MTA2: variants seen among roughly 807,000 people sequenced by gnomAD.
MTA2 encodes the protein metastasis-associated protein MTA2.
A neutral mutation model predicts 87.1 loss-of-function variants in MTA2; 22 were observed. The observed-to-expected ratio is 0.25, with a 90% CI of 0.18 to 0.36. The LOEUF (loss-of-function observed/expected upper bound fraction) is 0.36, where lower values mean the gene tolerates loss of function less well. Ranked by LOEUF, MTA2 falls within the 10% of genes least tolerant of loss-of-function variation. MTA2 has a pLI of 1.00. For synonymous variants in MTA2, 314 were observed against 310.1 expected, an observed-to-expected ratio of 1.01 and a Z score of -0.13; for missense variants, 542 against 853.2, an observed-to-expected ratio of 0.64 and a Z score of 4.54.
At chr11:62,600,528 G>A (rs1251936652) in intron 2 of MTA2, 94 bp downstream of exon 2, 3 of 1,157,692 alleles carry the variant, frequency 2.6e-6, no homozygotes, top group Admixed American at 4.7e-5. Flanking sequence ...AATATGAATG[G>A]GTACTTAGTA....
Position 62,594,996 on chromosome 11 carries a change from T to C in MTA2, c.1558A>G (p.Ile520Val), listed in dbSNP as rs1411246090. Reference protein sequence around the residue: ...HPLVRLPLATIVKDLVAQAPL... With the variant: ...HPLVRLPLATVVKDLVAQAPL... ...CATCCCATACCCAGATCTTTGACGA[T>C]AGTTGCCAGGGGCAGCCGCACCAGA... Residue 520 changes from isoleucine to valine, a missense_variant, in exon 15 of 18, where the codon ATC (isoleucine) becomes GTC (valine). Physicochemically the swap from Ile to Val is conservative, Grantham distance 29. This residue lies in a region of MTA2 where 269 missense variants were observed against 346.4 expected (regional missense o/e 0.78). Coordinates refer to ENST00000278823, the MANE Select transcript of MTA2 (RefSeq NM_004739.4). 5 of 1,614,142 alleles carry C rather than the reference T, an allele frequency of 3.1e-6. No homozygotes were observed. The highest frequency in any genetic ancestry group is 4.2e-6 in the Non-Finnish European group (5 of 1,180,012).
chr11:62,601,341 G>A (rs1325732595), intron 1 of MTA2, 82 bp downstream of exon 1: 6 of 1,534,518 alleles, frequency 3.9e-6, no homozygotes, highest in Non-Finnish European at 5.3e-6. Flanking sequence ...GCTGCGCCTC[G>A]CGCCACCCGG....
chr11:62,594,938 G>A, intron 15 of MTA2, 43 bp downstream of exon 15: 1 of 1,557,504 alleles, frequency 6.4e-7, no homozygotes. Flanking sequence ...ACAGGGAAAG[G>A]ACTGGGAGCC....
intron 11 of MTA2, 41 bp downstream of exon 11, chr11:62,596,238 G>A (rs775560000): frequency 3.7e-6 from 6 of 1,609,712 alleles, no homozygotes; most frequent in Middle Eastern, 1.7e-4. Context: ...TTAGGGGAAG[G>A]GAAGGAAAAC....
rs751123747 is a variant in MTA2 at position 62,593,945 on chromosome 11, C to T, written c.1937G>A (p.Arg646Gln). 4 of 1,614,024 alleles carry T rather than the reference C, an allele frequency of 2.5e-6. No homozygotes were observed. The highest frequency in any genetic ancestry group is 3.4e-6 in the Non-Finnish European group (4 of 1,180,034). Residue 646 changes from arginine to glutamine, a missense_variant, in exon 18 of 18, where the codon CGG becomes CAG. Transcript: ENST00000278823. ...LKVKPTLIAV[R>Q]PPVPLPAPSH... ...GGGTGCAGGTAGAGGGACAGGGGGC[C>T]GCACTGCAATCAGCGTTGGCTTCAC...
intron 17 of MTA2, 56 bp from the exon 18 acceptor site, chr11:62,594,096 C>G: frequency 7.1e-6 from 11 of 1,552,584 alleles, no homozygotes; most frequent in Non-Finnish European, 9.6e-6. Flanking sequence ...TTAAGACCTC[C>G]AGGTGAAGCC....
In MTA2 at chr11:62,600,664, G is replaced by A. The variant is rs143977738; in HGVS notation, c.54C>T (p.Ser18=). The change falls in exon 2 of 18, where the codon TCC becomes TCT. Residue 18 remains serine (S), a synonymous_variant. Coordinates refer to ENST00000278823, the MANE Select transcript of MTA2 (RefSeq NM_004739.4). ...VGDYVYFENS[S]SNPYLVRRIE... is the part of the protein sequence containing the mutation. ...TCCGTCTAACCAGGTAAGGATTGCT[G>A]GAAGAGTTCTCAAAATAGACGTAAT... 9.9e-6 allele frequency: 16 copies of A among 1,613,812 alleles called. No homozygotes were observed. Among genetic ancestry groups the A allele is most frequent in the African/African-American group, 9.3e-5 (7 of 74,882 alleles).
chr11:62,596,232 G>A (rs769600427), intron 11 of MTA2, 47 bp downstream of exon 11: 7 of 1,607,052 alleles, frequency 4.4e-6, no homozygotes, highest in African/African-American at 1.3e-5. Context: ...CACAAGTTAG[G>A]GGAAGGGAAG....
At chr11:62,597,733 A>G in intron 6 of MTA2, 21 bp from the exon 7 acceptor site, 1 of 1,603,052 alleles carries the variant, frequency 6.2e-7, no homozygotes, top group Non-Finnish European at 8.5e-7. Flanking sequence ...GAACAATGGC[A>G]TCAACAGGGA....
chr11:62,599,954 T>C (rs187653091), intron 3 of MTA2, among the ~76,000 whole-genome samples: 2 of 152,324 alleles, frequency 1.3e-5, no homozygotes, highest in Admixed American at 1.3e-4. Context: ...TACTCTCATA[T>C]ACAAACCATA....
At position 62,594,054 on chromosome 11, in the gene MTA2, G is replaced by A. The variant is rs1942062965; in HGVS notation, c.1842-14C>T. 6.3e-7 allele frequency: 1 copy of A among 1,579,654 alleles called. No homozygotes were observed. Among genetic ancestry groups the A allele is most frequent in the African/African-American group, 1.4e-5 (1 of 73,764 alleles). On this transcript the variant is annotated splice_polypyrimidine_tract_variant and intron_variant, in intron 17 of 17. Coordinates refer to ENST00000278823, the MANE Select transcript of MTA2 (RefSeq NM_004739.4). ...TTCCGTAGGGCCCTGGCCAGAAAGA[G>A]CAAGTGGGAAACAGAAAAGGCTTAG... is the stretch of plus-strand genomic sequence containing the variant.
intron 1 of MTA2, among the ~76,000 whole-genome samples, 173 bp from the exon 2 acceptor site, chr11:62,600,862 C>T (rs570754972): frequency 6.6e-6 from 1 of 152,260 alleles, no homozygotes; most frequent in African/African-American, 2.4e-5. Flanking sequence ...GGATGTCCCC[C>T]ATCCCCACCG....
intron 3 of MTA2, chr11:62,599,206 G>T (rs2134326549): frequency 6.5e-6 from 1 of 154,512 alleles, no homozygotes; most frequent in East Asian, 1.9e-4. Flanking sequence ...AAACCTAGCG[G>T]AAGGGGTTAA....
Position 62,595,281 on chromosome 11 carries a change from T to A in MTA2, c.1466A>T (p.Asn489Ile), listed in dbSNP as rs369556655. ...ARRPYAPINA[N>I]AIKAECSIRL... The stretch of plus-strand genomic sequence containing the variant: ...GCCCTTACACTCTGCTTTGATGGCA[T>A]TGGCATTGATAGGAGCATAAGGCCG... Residue 489 changes from asparagine (N) to isoleucine (I), a missense_variant, in exon 14 of 18, where the codon AAT (asparagine) becomes ATT (isoleucine). Transcript: ENST00000278823. This position sits in a 1 kb window ranked among gnomAD's most constrained non-coding sequence, Gnocchi z 4.9. 6.2e-7 allele frequency: 1 copy of A among 1,614,080 alleles called. No homozygotes were observed. Among genetic ancestry groups the A allele is most frequent in the Admixed American group, 1.7e-5 (1 of 60,008 alleles).
At position 62,593,709 on chromosome 11, in the gene MTA2, C is replaced by T. The variant is rs560026142; in HGVS notation, c.*166G>A. 89 of 765,502 alleles carry T rather than the reference C, an allele frequency of 1.2e-4. No homozygotes were observed. The African/African-American group carries it at 1.2e-3, about 11-fold the overall frequency. The allele number at this position is 765,502 out of a possible 1,614,324, so 47.4% of individuals were successfully genotyped here. On this transcript the variant is annotated 3_prime_UTR_variant, in exon 18 of 18. Transcript: ENST00000278823. ...AAGCATGGAGGCATGAGACAAGTCT[C>T]GAGGTGGTAACACCAGAGGGCGCCC...
chr11:62,594,011 T>G lies in MTA2; in HGVS notation c.1871A>C (p.Glu624Ala), dbSNP rs1195259171. Residue 624 changes from glutamate to alanine, a missense_variant, in exon 18 of 18, where the codon GAA becomes GCA. Physicochemically the swap from Glu to Ala is moderately radical, Grantham distance 107. Around this residue, in one of 6 missense-constraint regions of MTA2, gnomAD observed 269 missense variants for 346.4 expected, o/e 0.78. Coordinates refer to ENST00000278823, the MANE Select transcript of MTA2 (RefSeq NM_004739.4). Reference sequence around the variant, plus strand: ...GGGTCGGCGAGCAGCTCGCCGCATTTCCAGATGGGTCAGAGCCTTCCGTAG... The same window carrying G: ...GGGTCGGCGAGCAGCTCGCCGCATTGCCAGATGGGTCAGAGCCTTCCGTAG... ...RALRKALTHLEMRRAARRPNL... is the reference protein window; with the variant it reads ...RALRKALTHLAMRRAARRPNL... 4 of 1,611,470 alleles carry G rather than the reference T, an allele frequency of 2.5e-6. No individual in the cohort carries two copies. Among genetic ancestry groups the G allele is most frequent in the South Asian group, 1.1e-5 (1 of 90,704 alleles).
At position 62,600,188 on chromosome 11, in the gene MTA2, G is replaced by A. The variant is rs147421386; in HGVS notation, c.168C>T (p.Asn56=). Residue 56 remains asparagine (N), a synonymous_variant, in exon 3 of 18, where the codon AAC becomes AAT. Coordinates refer to ENST00000278823, the MANE Select transcript of MTA2 (RefSeq NM_004739.4). The part of the protein sequence containing the change: ...FRRRDISSSL[N]SLADSNAREF... ...CACTGGCATTACTATCAGCCAGGCT[G>A]TTGAGGCTACTAGAAATGTCCCTGC... The A allele has an allele frequency of 1.4e-3, 2,224 of 1,614,130 alleles. 2 individuals are homozygous for A. Among genetic ancestry groups the A allele is most frequent in the Non-Finnish European group, 1.7e-3 (1,992 of 1,179,974 alleles).
At position 62,593,674 on chromosome 11, in the gene MTA2, C is replaced by G. The variant is rs931768475; in HGVS notation, c.*201G>C. On this transcript the variant is annotated 3_prime_UTR_variant, in exon 18 of 18. Coordinates refer to ENST00000278823, the MANE Select transcript of MTA2 (RefSeq NM_004739.4). The stretch of plus-strand genomic sequence containing the variant: ...ATGGGCCAAGTTCCTGCAGTCTGTC[C>G]TCCATCGGCAAGCATGGAGGCATGA... 2 of 620,248 alleles carry G rather than the reference C, an allele frequency of 3.2e-6. No individual in the cohort carries two copies. The highest frequency in any genetic ancestry group is 4.1e-5 in the South Asian group (2 of 49,260). The allele number at this position is 620,248 out of a possible 1,614,324, so 38.4% of individuals were successfully genotyped here. A position where few individuals can be genotyped will look rare whatever the true frequency, so the allele number is the denominator to read the frequency against.
At chr11:62,597,762 T>A (rs201177812) in intron 6 of MTA2, 50 bp from the exon 7 acceptor site, 3 of 1,478,606 alleles carry the variant, frequency 2.0e-6, no homozygotes, top group Non-Finnish European at 2.8e-6. Flanking sequence ...GGGGGAACAG[T>A]TGGTGTCTTT....
Sources: allele counts gnomAD v4.1 joint callset (sites outside exome capture counted in the v4.1 genomes callset), GRCh38; gene constraint gnomAD v4.1.1; regional missense constraint gnomAD v4.1.1; non-coding constraint Gnocchi (gnomAD v3.1); transcripts MANE v1.5; gene names NCBI Gene and HGNC (gene_info 2026-07-23, HGNC 2026-07-21).